TEF: variants seen among roughly 807,000 people sequenced by gnomAD.
TEF encodes TEF transcription factor, PAR bZIP family member, also known as thyrotroph embryonic factor.
TEF carries 3 observed loss-of-function variants against 20.8 expected under a neutral mutation model. The observed-to-expected ratio is 0.14, with a 90% CI of 0.07 to 0.37. The LOEUF is 0.37. Ranked by LOEUF, TEF falls within the 10% of genes least tolerant of loss-of-function variation. The pLI, the probability that TEF is intolerant of heterozygous loss-of-function variation, is 1.00. For synonymous variants in TEF, 180 were observed against 171.1 expected, an observed-to-expected ratio of 1.05 and a Z score of -0.41; for missense variants, 296 against 397.9, an observed-to-expected ratio of 0.74 and a Z score of 2.18.
At chr22:41,382,280 G>A in intron 1 of TEF, 79 bp downstream of exon 1, 3 of 1,126,320 alleles carry the variant, frequency 2.7e-6, no homozygotes, top group East Asian at 3.4e-5. Context: ...CGGGGCCGGG[G>A]AGGCAGTGGG....
chr22:41,384,816 A>T (rs1396862652), intron 1 of TEF, among the ~76,000 whole-genome samples: 5 of 152,034 alleles, frequency 3.3e-5, no homozygotes, highest in African/African-American at 1.2e-4. Flanking sequence ...GTAGTGGTAC[A>T]GTCTCGTCTC....
chr22:41,379,702 C>A (rs2036990055), upstream of TEF, among the ~76,000 whole-genome samples: 1 of 151,448 alleles, frequency 6.6e-6, no homozygotes, highest in Non-Finnish European at 1.5e-5. Context: ...CCGTCTCTAC[C>A]AAAAATACAA....
At chr22:41,391,607 C>T (rs1171888187) in intron 2 of TEF, among the ~76,000 whole-genome samples, 1 of 150,312 alleles carries the variant, frequency 6.7e-6, no homozygotes, top group Non-Finnish European at 1.5e-5. Context: ...TGAGCCACCA[C>T]ACCAGGCCGG....
intron 3 of TEF, among the ~76,000 whole-genome samples, 185 bp from the exon 4 acceptor site, chr22:41,395,560 C>T (rs754525094): frequency 1.4e-4 from 21 of 152,078 alleles, no homozygotes; most frequent in Non-Finnish European, 2.9e-4. Context: ...TTTTGTTTCT[C>T]GTCCTGCCCC....
intron 1 of TEF, among the ~76,000 whole-genome samples, chr22:41,372,492 A>G (rs1569250858): frequency 6.6e-6 from 1 of 152,142 alleles, no homozygotes; most frequent in African/African-American, 2.4e-5. Context: ...CACTCTACGA[A>G]TAAGGACATC....
upstream of TEF, among the ~76,000 whole-genome samples, chr22:41,381,561 G>A (rs1303217029): frequency 6.6e-6 from 1 of 152,234 alleles, no homozygotes; most frequent in African/African-American, 2.4e-5. Flanking sequence ...TGCAAGTCGG[G>A]GACAAGAGGG....
chr22:41,380,661 G>GGT (rs2037005960), upstream of TEF, among the ~76,000 whole-genome samples: 2 of 152,192 alleles, frequency 1.3e-5, no homozygotes, highest in Non-Finnish European at 2.9e-5. Flanking sequence ...AATGTTGCCT[G>GGT]GGTTTGCAGC....
chr22:41,384,745 T>C (rs1255251676), intron 1 of TEF, among the ~76,000 whole-genome samples: 2 of 152,172 alleles, frequency 1.3e-5, no homozygotes, highest in Non-Finnish European at 2.9e-5. Flanking sequence ...CCAGGAACAC[T>C]GTAAAGACAC....
chr22:41,392,587 T>C (rs1455953628), intron 2 of TEF, among the ~76,000 whole-genome samples: 4 of 134,164 alleles, frequency 3.0e-5, no homozygotes, highest in Non-Finnish European at 6.1e-5. Flanking sequence ...GGCAGGAGAA[T>C]AGCTTGAACC....
upstream of TEF, among the ~76,000 whole-genome samples, chr22:41,380,541 T>A (rs906318264): frequency 4.6e-5 from 7 of 152,284 alleles, no homozygotes; most frequent in East Asian, 1.2e-3. Flanking sequence ...AACCAAGGAC[T>A]ATCACTATAC....
At chr22:41,370,121 T>C (rs187070829) in intron 1 of TEF, 56,816 of 362,780 alleles carry the variant, frequency 0.16, 712 homozygotes, top group Non-Finnish European at 0.19. Context: ...TCTTTCCCCC[T>C]TTTTTTTTTT....
exon 1 of TEF, chr22:41,367,473 T>C: frequency 6.6e-7 from 1 of 1,520,662 alleles, no homozygotes; most frequent in South Asian, 1.2e-5. Flanking sequence ...CTGAACTCCC[T>C]GGAGCAAGCA....
intron 2 of TEF, among the ~76,000 whole-genome samples, chr22:41,390,240 G>A (rs2037149413): frequency 6.6e-6 from 1 of 152,096 alleles, no homozygotes; most frequent in East Asian, 1.9e-4. Context: ...TTGGGCATTT[G>A]CTTAGGAAGA....
upstream of TEF, among the ~76,000 whole-genome samples, chr22:41,381,564 C>A (rs1424046116): frequency 1.3e-5 from 2 of 152,160 alleles, no homozygotes; most frequent in Admixed American, 6.5e-5. Context: ...AAGTCGGGGA[C>A]AAGAGGGAGA....
At chr22:41,379,547 G>T (rs986080517), upstream of TEF, among the ~76,000 whole-genome samples, 2 of 151,006 alleles carry the variant, frequency 1.3e-5, no homozygotes, top group Non-Finnish European at 2.9e-5. Context: ...ATAAGGTAGA[G>T]CCTGCCCTAA....
chr22:41,387,202 G>A (rs116434743), intron 1 of TEF, 149 bp from the exon 2 acceptor site: 22,286 of 867,712 alleles, frequency 0.026, 448 homozygotes, highest in South Asian at 0.084. Context: ...TGCGAGATTC[G>A]AACTGGAGAA....
upstream of TEF, chr22:41,381,912 A>G: frequency 8.2e-7 from 1 of 1,226,066 alleles, no homozygotes; most frequent in South Asian, 4.3e-5. Flanking sequence ...GTAGCGATGG[A>G]AGGAGGCGGG....
At chr22:41,383,018 G>A in intron 1 of TEF, 1 of 471,116 alleles carries the variant, frequency 2.1e-6, no homozygotes, top group South Asian at 1.5e-5. Context: ...CCTGGGAGAT[G>A]GGGTGCAGGG....
chr22:41,379,050 CG>C (rs1259264578), upstream of TEF, among the ~76,000 whole-genome samples: 1 of 152,144 alleles, frequency 6.6e-6, no homozygotes, highest in Non-Finnish European at 1.5e-5. Flanking sequence ...ACAGAAACCC[CG>C]TAAGGTAGGC....
Sources: allele counts gnomAD v4.1 joint callset (sites outside exome capture counted in the v4.1 genomes callset), GRCh38; gene constraint gnomAD v4.1.1; transcripts MANE v1.5; gene names NCBI Gene and HGNC (gene_info 2026-07-23, HGNC 2026-07-21).